The following SLC45A3 variants were observed in gnomAD, a reference collection of about 807,000 sequenced individuals.
SLC45A3 encodes the protein solute carrier family 45 member 3.
In SLC45A3, 17 loss-of-function variants were observed where a neutral mutation model predicts 35.3. The ratio of observed to expected loss-of-function variants is 0.48; its 90% CI spans 0.33 to 0.72. The LOEUF is 0.72. Ranked by LOEUF, SLC45A3 falls within the 30% of genes least tolerant of loss-of-function variation. The probability of loss-of-function intolerance (pLI) is 0.02; values close to 1 mark genes in which losing one functional copy is unlikely to be tolerated. For missense variants in SLC45A3, 597 were observed against 731.7 expected (o/e 0.82, Z 2.12); for synonymous variants, 288 against 334.3 (o/e 0.86, Z 1.51).
At position 205,659,076 on chromosome 1, in the gene SLC45A3, A is replaced by G. The variant is rs1670970427; in HGVS notation, c.*158T>C. The G allele has an allele frequency of 8.2e-6, 6 of 729,938 alleles. No individual in the cohort carries two copies. The highest frequency in any genetic ancestry group is 1.3e-5 in the Non-Finnish European group (6 of 452,656). 45.2% of individuals were successfully genotyped at this position (729,938 alleles called of 1,614,324 possible). A position where few individuals can be genotyped will look rare whatever the true frequency, so the allele number is the denominator to read the frequency against. ...GGGACGCCCCAGCCCCCAGCTGTGCAGCTACGCACCTCAGCAGCACAGGGT... is the reference window on the plus strand; with the variant it reads ...GGGACGCCCCAGCCCCCAGCTGTGCGGCTACGCACCTCAGCAGCACAGGGT... On this transcript the variant is annotated 3_prime_UTR_variant, in exon 5 of 5. Coordinates refer to ENST00000367145, the MANE Select transcript of SLC45A3 (RefSeq NM_033102.3). This position sits in a 1 kb window ranked among gnomAD's most constrained non-coding sequence, Gnocchi z 5.8.
In SLC45A3 at chr1:205,664,854, A is replaced by C; in HGVS notation, c.-198T>G. ...TGCTCAACACCTGCTGCTGTGGGGC[A>C]CCTCAGTGGGGACACGTCTCATCAC... On this transcript the variant is annotated 5_prime_UTR_variant, in exon 2 of 5. Transcript: ENST00000367145. The surrounding 1 kb of genome is among the most constrained non-coding windows in gnomAD (Gnocchi z 5.3). 1 of 1,418,850 alleles carries C rather than the reference A, an allele frequency of 7.0e-7. No homozygotes were observed. Among genetic ancestry groups the C allele is most frequent in the Middle Eastern group, 2.6e-4 (1 of 3,840 alleles). The allele number at this position is 1,418,850 out of a possible 1,614,324, so 87.9% of individuals were successfully genotyped here. A position where few individuals can be genotyped will look rare whatever the true frequency, so the allele number is the denominator to read the frequency against.
rs1175799451 is a variant in SLC45A3 at position 205,663,463 on chromosome 1, C to T, written c.328G>A (p.Ala110Thr). Residue 110 changes from alanine (A) to threonine (T), a missense_variant, in exon 3 of 5, where the codon GCA (alanine) becomes ACA (threonine). By Grantham distance (58) the Ala-to-Thr change is moderately conservative. Transcript: ENST00000367145. ...LFLIPRAGWLAGLLCPDPRPL... is the reference protein window; with the variant it reads ...LFLIPRAGWLTGLLCPDPRPL... Reference sequence around the variant, plus strand: ...CTGGGATCCGGGCACAGCAGCCCTGCTAGCCAGCCGGCCCTTGGGATGAGA... The same window carrying T: ...CTGGGATCCGGGCACAGCAGCCCTGTTAGCCAGCCGGCCCTTGGGATGAGA... 6.2e-7 allele frequency: 1 copy of T among 1,612,902 alleles called. No individual in the cohort carries two copies. Among genetic ancestry groups the T allele is most frequent in the East Asian group, 2.2e-5 (1 of 44,868 alleles).
At chr1:205,671,997 G>A (rs1187388644) in intron 1 of SLC45A3, among the ~76,000 whole-genome samples, 1 of 152,136 alleles carries the variant, frequency 6.6e-6, no homozygotes, top group Non-Finnish European at 1.5e-5. Context: ...CGATGAGGTG[G>A]GTACAATTAG....
chr1:205,664,650 G>A lies in SLC45A3; in HGVS notation c.7C>T (p.Gln3Ter), dbSNP rs1319141335. The A allele has an allele frequency of 7.4e-6, 12 of 1,614,170 alleles. No individual in the cohort carries two copies. Among genetic ancestry groups the A allele is most frequent in the Non-Finnish European group, 9.3e-6 (11 of 1,180,016 alleles). Residue 3 changes from glutamine to a stop codon, truncating the protein, a stop_gained, in exon 2 of 5, where the codon CAG becomes TAG. Transcript: ENST00000367145. LOFTEE classifies it high-confidence loss of function. The surrounding 1 kb of genome is among the most constrained non-coding windows in gnomAD (Gnocchi z 5.3). ...AGCAGGCGGCTCACCCACAGCCTCT[G>A]GACCATAGTGGGCCAGGCGGGTAGG... MV[Q>*]RLWVSRLLRH...
At chr1:205,676,613 C>T (rs1355268902) in intron 1 of SLC45A3, among the ~76,000 whole-genome samples, 1 of 152,184 alleles carries the variant, frequency 6.6e-6, no homozygotes, top group Non-Finnish European at 1.5e-5. Context: ...AGGCCCATGT[C>T]CAACATCAGA....
chr1:205,659,493 A>G lies in SLC45A3; in HGVS notation c.1403T>C (p.Val468Ala). The G allele has an allele frequency of 6.2e-7, 1 of 1,613,806 alleles. No individual in the cohort carries two copies. The highest frequency in any genetic ancestry group is 8.5e-7 in the Non-Finnish European group (1 of 1,179,836). Reference protein sequence around the residue: ...PALCGASACDVSVRVVVGEPT... With the variant: ...PALCGASACDASVRVVVGEPT... The stretch of plus-strand genomic sequence containing the variant: ...CTCACCCACCACCACACGTACGGAG[A>G]CATCACAGGCAGAGGCCCCGCAGAG... Residue 468 changes from valine to alanine, a missense_variant, in exon 5 of 5, where the codon GTC (valine) becomes GCC (alanine). Val to Ala is a moderately conservative substitution (Grantham distance 64). This residue lies in a region of SLC45A3 where 555 missense variants were observed against 664.9 expected (regional missense o/e 0.83). Transcript: ENST00000367145. This position sits in a 1 kb window ranked among gnomAD's most constrained non-coding sequence, Gnocchi z 5.8.
intron 1 of SLC45A3, among the ~76,000 whole-genome samples, chr1:205,674,487 T>A (rs1217420753): frequency 6.6e-6 from 1 of 150,402 alleles, no homozygotes; most frequent in African/African-American, 2.5e-5. Flanking sequence ...CTCAGGAGGT[T>A]GAGGCAGGTG....
Position 205,664,552 on chromosome 1 carries a change from G to A in SLC45A3, c.105C>T (p.Gly35=), listed in dbSNP as rs1399055712. 6.2e-7 allele frequency: 1 copy of A among 1,614,124 alleles called. No homozygotes were observed. Among genetic ancestry groups the A allele is most frequent in the African/African-American group, 1.3e-5 (1 of 74,950 alleles). Residue 35 remains glycine, a synonymous_variant, in exon 2 of 5, where the codon GGC becomes GGT. Transcript: ENST00000367145. This position sits in a 1 kb window ranked among gnomAD's most constrained non-coding sequence, Gnocchi z 5.3. ...TFGLEVCLAA[G]ITYVPPLLLE... is the part of the protein sequence containing the mutation. Reference sequence around the variant, plus strand: ...GCAGCAGAGGCGGCACATAGGTGATGCCTGCGGCCAAACACACCTCCAGGC... The same window carrying A: ...GCAGCAGAGGCGGCACATAGGTGATACCTGCGGCCAAACACACCTCCAGGC...
chr1:205,663,520 C>T lies in SLC45A3; in HGVS notation c.271G>A (p.Ala91Thr). Reference protein sequence around the residue: ...RYGRRRPFIWALSLGILLSLF... With the variant: ...RYGRRRPFIWTLSLGILLSLF... ...CTCAGCAGGATGCCCAAGGACAGTG[C>T]CCAGATGAAGGGCCGGCGGCGGCCA... Residue 91 changes from alanine (A) to threonine (T), a missense_variant, in exon 3 of 5, where the codon GCA (alanine) becomes ACA (threonine). Physicochemically the swap from Ala to Thr is moderately conservative, Grantham distance 58. Transcript: ENST00000367145. 6.2e-7 allele frequency: 1 copy of T among 1,613,088 alleles called. No homozygotes were observed. The highest frequency in any genetic ancestry group is 8.5e-7 in the Non-Finnish European group (1 of 1,179,990).
rs1479344592 is a variant in SLC45A3, at chr1:205,659,134, C to G, written c.*100G>C. Reference sequence around the variant, plus strand: ...GAGAGCCACATTACTTTGGCAGCAACAGAAACTGGCGGCCAGCCCGGCAGC... The same window carrying G: ...GAGAGCCACATTACTTTGGCAGCAAGAGAAACTGGCGGCCAGCCCGGCAGC... On this transcript the variant is annotated 3_prime_UTR_variant, in exon 5 of 5. Coordinates refer to ENST00000367145, the MANE Select transcript of SLC45A3 (RefSeq NM_033102.3). The surrounding 1 kb of genome is among the most constrained non-coding windows in gnomAD (Gnocchi z 5.8). 3 of 1,272,906 alleles carry G rather than the reference C, an allele frequency of 2.4e-6. No individual in the cohort carries two copies. The highest frequency in any genetic ancestry group is 4.7e-5 in the East Asian group (2 of 42,554). The allele number at this position is 1,272,906 out of a possible 1,614,324, so 78.9% of individuals were successfully genotyped here. A position where few individuals can be genotyped will look rare whatever the true frequency, so the allele number is the denominator to read the frequency against.
rs974027980 is a variant in SLC45A3 at position 205,669,847 on chromosome 1, G to A, written c.-230-4961C>T. On this transcript the variant is annotated intron_variant, in intron 1 of 4. Transcript: ENST00000367145. The surrounding 1 kb of genome is among the most constrained non-coding windows in gnomAD (Gnocchi z 4.1). ...AGGAAAGCGGGTGGGGTCACCCTGG[G>A]CCAACCTCCCGGACACACACCCCAC... Among the ~76,000 whole-genome samples, 1 of 152,152 alleles carries A rather than the reference G, an allele frequency of 6.6e-6. No individual in the cohort carries two copies. Among genetic ancestry groups the A allele is most frequent in the African/African-American group, 2.4e-5 (1 of 41,428 alleles).
At chr1:205,678,027 T>G (rs1772139) in intron 1 of SLC45A3, among the ~76,000 whole-genome samples, 53,284 of 152,018 alleles carry the variant, frequency 0.35, 11,568 homozygotes, top group Non-Finnish European at 0.49. Context: ...TATAGAAACT[T>G]TCTTTCTGGC....
At chr1:205,679,684 TAA>T (rs2102412499) in intron 1 of SLC45A3, among the ~76,000 whole-genome samples, 1 of 64,824 alleles carries the variant, frequency 1.5e-5, no homozygotes, top group African/African-American at 6.1e-5. Flanking sequence ...GGGGACACAG[TAA>T]CACACACACA....
rs141791270 is a variant in SLC45A3 at position 205,663,030 on chromosome 1, C to A, written c.761G>T (p.Gly254Val). 3.1e-6 allele frequency: 5 copies of A among 1,610,240 alleles called. No homozygotes were observed. The African/African-American group carries it at 6.7e-5, about 22-fold the overall frequency. Residue 254 changes from glycine to valine, a missense_variant, in exon 3 of 5, where the codon GGC (glycine) becomes GTC (valine). By Grantham distance (109) the Gly-to-Val change is moderately radical. Coordinates refer to ENST00000367145, the MANE Select transcript of SLC45A3 (RefSeq NM_033102.3). ...CRARLAFRNL[G>V]ALLPRLHQLC... ...CTGGTGCAGCCGGGGAAGCAGGGCG[C>A]CCAGGTTCCGGAAAGCCAAGCGGGC...
chr1:205,670,318 C>T (rs946002156), intron 1 of SLC45A3, among the ~76,000 whole-genome samples: 4 of 152,178 alleles, frequency 2.6e-5, no homozygotes, highest in Non-Finnish European at 2.9e-5. Context: ...TGACTCCCAA[C>T]CCACTCAGTC....
At chr1:205,667,760 C>T (rs1671142559) in intron 1 of SLC45A3, among the ~76,000 whole-genome samples, 1 of 152,066 alleles carries the variant, frequency 6.6e-6, no homozygotes, top group African/African-American at 2.4e-5. Flanking sequence ...ACCCCACCTG[C>T]CTTGCCCCTC....
chr1:205,661,501 G>C (rs1671022605), intron 4 of SLC45A3, among the ~76,000 whole-genome samples: 1 of 152,162 alleles, frequency 6.6e-6, no homozygotes, highest in Non-Finnish European at 1.5e-5. Flanking sequence ...CGTCTGCTGA[G>C]GCTGAATGGC....
chr1:205,673,442 T>C (rs900520420), intron 1 of SLC45A3, among the ~76,000 whole-genome samples: 2 of 152,226 alleles, frequency 1.3e-5, no homozygotes, highest in African/African-American at 4.8e-5. Context: ...ACTTGAACTC[T>C]GCCAGTCAGC....
Position 205,669,041 on chromosome 1 carries a change from A to T in SLC45A3, c.-230-4155T>A, listed in dbSNP as rs1671163074. Among the ~76,000 whole-genome samples, 1 of 152,142 alleles carries T rather than the reference A, an allele frequency of 6.6e-6. No individual in the cohort carries two copies. The highest frequency in any genetic ancestry group is 2.4e-5 in the African/African-American group (1 of 41,436). On this transcript the variant is annotated intron_variant, in intron 1 of 4. Coordinates refer to ENST00000367145, the MANE Select transcript of SLC45A3 (RefSeq NM_033102.3). This position sits in a 1 kb window ranked among gnomAD's most constrained non-coding sequence, Gnocchi z 4.1. ...CAGGGCTGGCTCCCACCCCAGCAAGAAAAGGGGCCGGGAAATGTTTACCTA... is the reference window on the plus strand; with the variant it reads ...CAGGGCTGGCTCCCACCCCAGCAAGTAAAGGGGCCGGGAAATGTTTACCTA...
Sources: allele counts gnomAD v4.1 joint callset (sites outside exome capture counted in the v4.1 genomes callset), GRCh38; gene constraint gnomAD v4.1.1; regional missense constraint gnomAD v4.1.1; non-coding constraint Gnocchi (gnomAD v3.1); transcripts MANE v1.5; gene names NCBI Gene and HGNC (gene_info 2026-07-23, HGNC 2026-07-21).